TRIO: variants seen among roughly 807,000 people sequenced by gnomAD.
TRIO encodes trio Rho guanine nucleotide exchange factor.
Under a neutral mutation model 351.9 loss-of-function variants are expected in TRIO, and 58 were observed. That is an observed-to-expected ratio of 0.16 (90% CI 0.13 to 0.21). TRIO has a LOEUF of 0.21. TRIO is among the 10% of genes least tolerant of loss of function. The probability of loss-of-function intolerance (pLI) is 1.00; values close to 1 mark genes in which losing one functional copy is unlikely to be tolerated. For synonymous variants in TRIO, 1,758 were observed against 1,595.7 expected (o/e 1.10, Z -2.42); for missense variants, 3,201 against 4,027.8 (o/e 0.79, Z 5.56).
At chr5:14,390,410 T>C in intron 26 of TRIO, 110 bp downstream of exon 26, 1 of 989,240 alleles carries the variant, frequency 1.0e-6, no homozygotes, top group South Asian at 1.5e-5. Flanking sequence ...CTCATATCCA[T>C]GCTTGCGGAG....
intron 1 of TRIO, among the ~76,000 whole-genome samples, chr5:14,256,149 G>C (rs1232516161): frequency 6.6e-6 from 1 of 152,152 alleles, no homozygotes; most frequent in Non-Finnish European, 1.5e-5. Context: ...GCCTCAGGAA[G>C]CTTCCACTTG....
At chr5:14,455,735 C>G (rs1288324621) in intron 34 of TRIO, among the ~76,000 whole-genome samples, 1 of 152,262 alleles carries the variant, frequency 6.6e-6, no homozygotes, top group African/African-American at 2.4e-5. Context: ...GAACCCTGAG[C>G]TAGACACAGA....
rs80168902 is a variant in TRIO at position 14,336,472 on chromosome 5, C to T, written c.1855-64C>T. 2,694 of 1,545,228 alleles carry T rather than the reference C, an allele frequency of 1.7e-3. 49 individuals are homozygous for T. In the African/African-American group the frequency reaches 0.033, roughly 19 times the overall value. On this transcript the variant is annotated intron_variant, in intron 10 of 56. Transcript: ENST00000344204. ...TTGACTGTGTTGCTATATATTATGGCGCCCAGCCTGGCTGGTCTGCTTTTC... is the reference window on the plus strand; with the variant it reads ...TTGACTGTGTTGCTATATATTATGGTGCCCAGCCTGGCTGGTCTGCTTTTC...
At chr5:14,414,676 C>T (rs1187516263) in intron 33 of TRIO, among the ~76,000 whole-genome samples, 2 of 152,072 alleles carry the variant, frequency 1.3e-5, no homozygotes, top group Non-Finnish European at 2.9e-5. Context: ...TTTTTATGTC[C>T]TCACAGGTTT....
intron 49 of TRIO, among the ~76,000 whole-genome samples, chr5:14,495,381 A>T (rs75002787): frequency 1.3e-5 from 2 of 152,200 alleles, no homozygotes; most frequent in African/African-American, 4.8e-5. Context: ...CTTAGTTGAC[A>T]GTGCAACAGC....
intron 1 of TRIO, among the ~76,000 whole-genome samples, chr5:14,249,020 G>A (rs907161927): frequency 2.6e-5 from 4 of 152,204 alleles, no homozygotes; most frequent in African/African-American, 9.7e-5. Flanking sequence ...GGGTCCAGGT[G>A]AGCTAGATGT....
At chr5:14,152,360 TTTTG>T (rs55699760) in intron 1 of TRIO, among the ~76,000 whole-genome samples, 21 of 151,170 alleles carry the variant, frequency 1.4e-4, no homozygotes, top group South Asian at 2.1e-4. Flanking sequence ...ATTTCAGTTT[TTTTG>T]TTTGTTTGTT....
intron 8 of TRIO, among the ~76,000 whole-genome samples, chr5:14,315,645 C>CCACACCTGGTTACCTTATGCATCT (rs1739320214): frequency 6.6e-6 from 1 of 152,160 alleles, no homozygotes; most frequent in South Asian, 2.1e-4. Flanking sequence ...CACCTGCATC[C>CCACACCTGGTTACCTTATGCATCT]CACACCTGGT....
At chr5:14,350,343 C>T (rs2152330441) in intron 11 of TRIO, among the ~76,000 whole-genome samples, 1 of 152,240 alleles carries the variant, frequency 6.6e-6, no homozygotes, top group Admixed American at 6.5e-5. Context: ...ACTTGACACC[C>T]CTGGGTAACA....
At chr5:14,355,068 G>T (rs1178482931) in intron 11 of TRIO, among the ~76,000 whole-genome samples, 4 of 151,796 alleles carry the variant, frequency 2.6e-5, no homozygotes, top group Admixed American at 6.6e-5. Context: ...GGCTCCGTGC[G>T]ACTCAAAGGG....
At chr5:14,309,659 C>T (rs1266061297) in intron 8 of TRIO, among the ~76,000 whole-genome samples, 1 of 152,214 alleles carries the variant, frequency 6.6e-6, no homozygotes, top group Non-Finnish European at 1.5e-5. Context: ...CTGAGCAGCA[C>T]TCCTGAGCTT....
chr5:14,251,969 TAAA>T (rs1554041668), intron 1 of TRIO, among the ~76,000 whole-genome samples: 2 of 137,554 alleles, frequency 1.5e-5, no homozygotes, highest in African/African-American at 5.5e-5. Flanking sequence ...AGAGGCAACT[TAAA>T]AAAAAAAAAA....
At chr5:14,424,538 G>A (rs774844838) in intron 34 of TRIO, among the ~76,000 whole-genome samples, 28 of 152,086 alleles carry the variant, frequency 1.8e-4, no homozygotes, top group Non-Finnish European at 3.7e-4. Context: ...TGGGTGACTT[G>A]AGCCTCTAAA....
chr5:14,463,905 G>C (rs1421449526), intron 36 of TRIO, among the ~76,000 whole-genome samples: 1 of 152,150 alleles, frequency 6.6e-6, no homozygotes, highest in African/African-American at 2.4e-5. Flanking sequence ...AGGCAGACCT[G>C]TCCACCACCC....
intron 1 of TRIO, among the ~76,000 whole-genome samples, chr5:14,162,787 C>T (rs1788546855): frequency 6.6e-6 from 1 of 152,080 alleles, no homozygotes; most frequent in Admixed American, 6.6e-5. Flanking sequence ...ATGTCATCAA[C>T]CACATAAAGG....
Position 14,476,978 on chromosome 5 carries a change from A to G in TRIO, c.6153+15A>G. 6.2e-7 allele frequency: 1 copy of G among 1,606,428 alleles called. No individual in the cohort carries two copies. Among genetic ancestry groups the G allele is most frequent in the African/African-American group, 1.3e-5 (1 of 74,872 alleles). On this transcript the variant is annotated intron_variant, in intron 41 of 56. Transcript: ENST00000344204. ...TTGTTAAACACGTAAGCACAATAGC[A>G]TTGCTTATATCCTGTTCTGATGGTG...
intron 1 of TRIO, among the ~76,000 whole-genome samples, chr5:14,207,968 C>A (rs1791650222): frequency 6.6e-6 from 1 of 152,072 alleles, no homozygotes; most frequent in Admixed American, 6.6e-5. Flanking sequence ...CAATGAAATA[C>A]CACTACTCAC....
intron 34 of TRIO, among the ~76,000 whole-genome samples, chr5:14,460,185 G>A (rs1228018926): frequency 6.6e-6 from 1 of 152,170 alleles, no homozygotes; most frequent in Non-Finnish European, 1.5e-5. Flanking sequence ...CAAAGTGCTG[G>A]GATTACAGGC....
At chr5:14,316,878 T>C (rs942996637) in intron 9 of TRIO, 135 bp downstream of exon 9, 1 of 1,061,218 alleles carries the variant, frequency 9.4e-7, no homozygotes, top group African/African-American at 1.6e-5. Context: ...TTTTGTTGAA[T>C]GTAAGTGAAA....
Sources: gnomAD v4.1 joint callset for allele counts (sites outside exome capture counted in the v4.1 genomes callset) on GRCh38, gnomAD v4.1.1 for gene constraint, MANE v1.5 for transcripts, NCBI Gene and HGNC (gene_info 2026-07-23, HGNC 2026-07-21) for gene names.